The following MTCL1 variants were observed in gnomAD, a reference collection of about 807,000 sequenced individuals.
The protein encoded by MTCL1 is microtubule crosslinking factor 1.
Under a neutral mutation model 141.4 loss-of-function variants are expected in MTCL1, and 79 were observed. The observed-to-expected ratio is 0.56, with a 90% CI of 0.47 to 0.67. The LOEUF is 0.67. Ranked by LOEUF, MTCL1 falls within the 30% of genes least tolerant of loss-of-function variation. MTCL1 has a pLI of 0.00. For missense variants in MTCL1, 2,177 were observed against 2,113.9 expected (o/e 1.03, Z -0.59); for synonymous variants, 914 against 875.8 (o/e 1.04, Z -0.77).
At chr18:8,732,935 G>C (rs2096258159) in intron 4 of MTCL1, among the ~76,000 whole-genome samples, 1 of 152,270 alleles carries the variant, frequency 6.6e-6, no homozygotes, top group Non-Finnish European at 1.5e-5. Flanking sequence ...GCATTCATCA[G>C]GCAGTTGGCA....
intron 7 of MTCL1, among the ~76,000 whole-genome samples, chr18:8,790,196 AATGAC>A (rs1185986385): frequency 3.3e-5 from 5 of 152,222 alleles, no homozygotes; most frequent in Middle Eastern, 3.2e-3. Context: ...TTTTAAATCC[AATGAC>A]ACTGAAGTAT....
chr18:8,759,107 G>A (rs752163191), intron 4 of MTCL1, among the ~76,000 whole-genome samples: 2 of 152,188 alleles, frequency 1.3e-5, no homozygotes, highest in Non-Finnish European at 2.9e-5. Context: ...GAAGAAAATT[G>A]CCTGTGAGCA....
In MTCL1 at chr18:8,829,798, C is replaced by T. The variant is rs565048789; in HGVS notation, c.*18+834C>T. The T allele has an allele frequency of 2.1e-5, 21 of 985,262 alleles. No homozygotes were observed. In the Admixed American group the frequency reaches 8.0e-4, roughly 38 times the overall value. 61.0% of individuals were successfully genotyped at this position (985,262 alleles called of 1,614,324 possible). On this transcript the variant is annotated intron_variant, in intron 16 of 16. Coordinates refer to ENST00000359865, the Ensembl canonical transcript of MTCL1. ...CATCCCAGGACACCATGCCATGCAG[C>T]GACCACAGTGGCTTCTCGGGAAAGC...
intron 6 of MTCL1, chr18:8,785,584 C>A (rs1007807721): frequency 1.1e-5 from 3 of 261,778 alleles, no homozygotes; most frequent in Non-Finnish European, 2.2e-5. Flanking sequence ...TTTCCGTTTC[C>A]TTCACGGGTA....
At chr18:8,817,582 G>A (rs2076698742) in intron 12 of MTCL1, among the ~76,000 whole-genome samples, 1 of 151,910 alleles carries the variant, frequency 6.6e-6, no homozygotes, top group South Asian at 2.1e-4. Flanking sequence ...CCATATTTAC[G>A]TCCAACTTGT....
chr18:8,791,971 T>A (rs2075743968), intron 7 of MTCL1, among the ~76,000 whole-genome samples: 1 of 152,184 alleles, frequency 6.6e-6, no homozygotes, highest in African/African-American at 2.4e-5. Context: ...AGGGAGGTGC[T>A]CTGCTCTTTT....
rs1478100267 is a variant in MTCL1 at position 8,828,378 on chromosome 18, C to T, written c.4723-530C>T. ...CTAGTTCAGCAGTGCAGAGAGAAGC[C>T]GTGAGGAGTTCCGGTGTGAAGAGAA... On this transcript the variant is annotated intron_variant, in intron 15 of 16. Coordinates refer to ENST00000359865, the Ensembl canonical transcript of MTCL1. The surrounding 1 kb of genome is among the most constrained non-coding windows in gnomAD (Gnocchi z 5.2). 2.6e-5 allele frequency among the ~76,000 whole-genome samples: 4 copies of T among 152,146 alleles called. No homozygotes were observed. Among genetic ancestry groups the T allele is most frequent in the African/African-American group, 7.2e-5 (3 of 41,426 alleles).
At chr18:8,740,494 A>G (rs2096296627) in intron 4 of MTCL1, among the ~76,000 whole-genome samples, 1 of 152,084 alleles carries the variant, frequency 6.6e-6, no homozygotes, top group Non-Finnish European at 1.5e-5. Context: ...TAATTAACTA[A>G]TTTTTTGAGG....
intron 9 of MTCL1, among the ~76,000 whole-genome samples, chr18:8,797,035 A>C (rs1021932871): frequency 6.6e-6 from 1 of 152,210 alleles, no homozygotes; most frequent in Non-Finnish European, 1.5e-5. Flanking sequence ...GAAACCAAGA[A>C]TTCTGTGCTA....
upstream of MTCL1, among the ~76,000 whole-genome samples, chr18:8,715,567 G>C (rs2096123450): frequency 6.6e-6 from 1 of 152,150 alleles, no homozygotes; most frequent in African/African-American, 2.4e-5. Context: ...GAACTGATTT[G>C]TATTAATGAC....
intron 11 of MTCL1, among the ~76,000 whole-genome samples, chr18:8,808,910 G>A (rs1195826996): frequency 2.0e-5 from 3 of 152,234 alleles, no homozygotes; most frequent in Non-Finnish European, 4.4e-5. Flanking sequence ...GAACAGGAAC[G>A]TGCAAGGCAC....
At chr18:8,818,329 C>T (rs898802361) in intron 12 of MTCL1, among the ~76,000 whole-genome samples, 27 of 152,036 alleles carry the variant, frequency 1.8e-4, no homozygotes, top group African/African-American at 6.0e-4. Context: ...AAAAGTATGA[C>T]TCTAACGTAA....
chr18:8,711,052 T>C (rs11873701), intron 1 of MTCL1, among the ~76,000 whole-genome samples: 1 of 150,712 alleles, frequency 6.6e-6, no homozygotes. Flanking sequence ...CCCCTACTCC[T>C]CGACAGTCCC....
chr18:8,785,955 T>C (rs1598652682), exon 7 of MTCL1: 2 of 1,604,512 alleles, frequency 1.2e-6, no homozygotes, highest in Non-Finnish European at 1.7e-6. Flanking sequence ...AAAGAGCAGC[T>C]GGAGTGGCAG....
chr18:8,751,651 T>TGGA (rs1317164950), intron 4 of MTCL1, among the ~76,000 whole-genome samples: 6 of 152,288 alleles, frequency 3.9e-5, no homozygotes, highest in African/African-American at 1.4e-4. Flanking sequence ...TTGGTCTGAG[T>TGGA]CACCTGGTCC....
chr18:8,775,120 A>T (rs969607016), intron 4 of MTCL1, among the ~76,000 whole-genome samples: 17 of 152,176 alleles, frequency 1.1e-4, no homozygotes, highest in Admixed American at 1.0e-3. Flanking sequence ...TTCAGTGCGT[A>T]CATTGGGAGA....
At chr18:8,784,530 C>G (rs143105042) in exon 6 of MTCL1, 2 of 1,604,698 alleles carry the variant, frequency 1.2e-6, no homozygotes, top group Admixed American at 1.7e-5. Context: ...CGCCTCATCA[C>G]GGACACCGAC....
chr18:8,710,875 C>CTTTTTTTTTTTTTTTTTTTTTTTTT (rs1221391279), intron 1 of MTCL1, among the ~76,000 whole-genome samples: 1 of 41,800 alleles, frequency 2.4e-5, no homozygotes, highest in African/African-American at 8.5e-5. Flanking sequence ...TTTCTTTTTT[C>CTTTTTTTTTTTTTTTTTTTTTTTTT]TTTTTTTTTT....
chr18:8,783,727 C>T (rs776831072), exon 6 of MTCL1: 50 of 1,607,726 alleles, frequency 3.1e-5, no homozygotes, highest in African/African-American at 4.0e-5. Flanking sequence ...CCCGGGAGGC[C>T]GAGCTGAAGC....
Sources: allele counts gnomAD v4.1 joint callset (sites outside exome capture counted in the v4.1 genomes callset), GRCh38; gene constraint gnomAD v4.1.1; non-coding constraint Gnocchi (gnomAD v3.1); transcripts MANE v1.5; gene names NCBI Gene and HGNC (gene_info 2026-07-23, HGNC 2026-07-21).